MVB12B: variants seen among roughly 807,000 people sequenced by gnomAD.
MVB12B encodes the protein multivesicular body subunit 12B, also known as ESCRT-I complex subunit MVB12B.
Under a neutral mutation model 41.6 loss-of-function variants are expected in MVB12B, and 16 were observed. The ratio of observed to expected loss-of-function variants is 0.38; its 90% CI spans 0.26 to 0.58. The LOEUF is 0.58. Ranked by LOEUF, MVB12B falls within the 20% of genes least tolerant of loss-of-function variation. The pLI, the probability that MVB12B is intolerant of heterozygous loss-of-function variation, is 0.62. For missense variants in MVB12B, 274 were observed against 380.2 expected, an observed-to-expected ratio of 0.72 and a Z score of 2.32; for synonymous variants, 133 against 139.7, an observed-to-expected ratio of 0.95 and a Z score of 0.34.
intron 7 of MVB12B, among the ~76,000 whole-genome samples, chr9:126,452,628 AGT>A (rs1021815002): frequency 6.6e-6 from 1 of 152,108 alleles, no homozygotes; most frequent in African/African-American, 2.4e-5. Context: ...AAGTGAGAAA[AGT>A]GTGTGAACCC....
chr9:126,501,453 T>C (rs9697125), intron 9 of MVB12B, among the ~76,000 whole-genome samples: 83,508 of 152,106 alleles, frequency 0.55, 24,058 homozygotes, highest in African/African-American at 0.74. Context: ...CCCTTCGGTT[T>C]GGGGGCCACA....
chr9:126,341,489 A>C (rs1201731350), intron 2 of MVB12B, among the ~76,000 whole-genome samples: 1 of 152,366 alleles, frequency 6.6e-6, no homozygotes, highest in East Asian at 1.9e-4. Context: ...CCAAGAATGC[A>C]TAAGAGTGAA....
At chr9:126,483,038 G>A (rs920802801) in intron 8 of MVB12B, among the ~76,000 whole-genome samples, 3 of 152,234 alleles carry the variant, frequency 2.0e-5, no homozygotes, top group Non-Finnish European at 2.9e-5. Flanking sequence ...TGCTGGCTTC[G>A]CGGAGGCTCC....
At chr9:126,401,838 G>A (rs147785032) in intron 6 of MVB12B, among the ~76,000 whole-genome samples, 12 of 149,486 alleles carry the variant, frequency 8.0e-5, no homozygotes, top group African/African-American at 1.2e-4. Flanking sequence ...CAGTTGGGGC[G>A]GAGCCTTAGG....
rs1304530097 is a variant in MVB12B, at chr9:126,459,050, C to T, written c.758-22319C>T. 1.3e-5 allele frequency among the ~76,000 whole-genome samples: 2 copies of T among 152,224 alleles called. No homozygotes were observed. The highest frequency in any genetic ancestry group is 2.9e-5 in the Non-Finnish European group (2 of 68,042). ...CCTATAGATTCAGATGACCAAGGATCTCTGAGGGTTCCTTTCATCCTGCAA... is the reference window on the plus strand; with the variant it reads ...CCTATAGATTCAGATGACCAAGGATTTCTGAGGGTTCCTTTCATCCTGCAA... On this transcript the variant is annotated intron_variant, in intron 7 of 9. Coordinates refer to ENST00000361171, the MANE Select transcript of MVB12B (RefSeq NM_033446.3). The surrounding 1 kb of genome is among the most constrained non-coding windows in gnomAD (Gnocchi z 4.3).
At chr9:126,433,261 A>C (rs1832377190) in intron 7 of MVB12B, among the ~76,000 whole-genome samples, 2 of 146,512 alleles carry the variant, frequency 1.4e-5, no homozygotes, top group Non-Finnish European at 2.9e-5. Context: ...CTGCCCTCCC[A>C]GCCCCTTCTC....
intron 2 of MVB12B, among the ~76,000 whole-genome samples, chr9:126,352,604 A>C (rs1340391810): frequency 6.6e-6 from 1 of 152,206 alleles, no homozygotes; most frequent in Non-Finnish European, 1.5e-5. Flanking sequence ...AGAACTCACC[A>C]CCATGTTGTT....
intron 6 of MVB12B, among the ~76,000 whole-genome samples, chr9:126,416,775 G>T (rs969864078): frequency 2.6e-5 from 4 of 152,134 alleles, no homozygotes; most frequent in Non-Finnish European, 4.4e-5. Flanking sequence ...GGTTGTTGAG[G>T]TGATGAGGCC....
At chr9:126,403,674 C>CA (rs1423622410) in intron 6 of MVB12B, among the ~76,000 whole-genome samples, 14 of 152,220 alleles carry the variant, frequency 9.2e-5, no homozygotes, top group Admixed American at 7.9e-4. Flanking sequence ...CAAGTACTTT[C>CA]AACCATGTCA....
At chr9:126,385,167 G>C (rs531468393) in intron 3 of MVB12B, among the ~76,000 whole-genome samples, 2 of 152,112 alleles carry the variant, frequency 1.3e-5, no homozygotes, top group African/African-American at 2.4e-5. Context: ...TGAGTGGCCC[G>C]GTTGAAAAAT....
chr9:126,409,764 G>T (rs1831573521), intron 6 of MVB12B, among the ~76,000 whole-genome samples: 1 of 152,194 alleles, frequency 6.6e-6, no homozygotes, highest in Admixed American at 6.5e-5. Context: ...CTGGGAAGGG[G>T]TTAAGATAGT....
chr9:126,484,075 C>T (rs1486146771), intron 9 of MVB12B, 43 bp downstream of exon 9: 12 of 1,575,722 alleles, frequency 7.6e-6, no homozygotes, highest in South Asian at 3.3e-5. Context: ...CCTGGGCCAT[C>T]GCCTGCACAC....
chr9:126,328,609 C>T (rs1157935274), intron 1 of MVB12B, among the ~76,000 whole-genome samples: 1 of 152,158 alleles, frequency 6.6e-6, no homozygotes, highest in African/African-American at 2.4e-5. Context: ...GTATTCATCT[C>T]ATGGGATTAT....
intron 2 of MVB12B, among the ~76,000 whole-genome samples, chr9:126,369,685 CT>C (rs1830282799): frequency 6.6e-6 from 1 of 152,062 alleles, no homozygotes; most frequent in Non-Finnish European, 1.5e-5. Context: ...CAGATTTTCA[CT>C]CTTGTTGCCC....
chr9:126,397,168 G>T, intron 6 of MVB12B: 6 of 985,522 alleles, frequency 6.1e-6, no homozygotes, highest in Non-Finnish European at 7.2e-6. Context: ...CCCTGAAGTT[G>T]TTACAGCTGC....
chr9:126,403,849 T>C (rs1831338364), intron 6 of MVB12B, among the ~76,000 whole-genome samples: 1 of 152,168 alleles, frequency 6.6e-6, no homozygotes, highest in Non-Finnish European at 1.5e-5. Flanking sequence ...TCATATTTTA[T>C]GCATCGCCCT....
intron 2 of MVB12B, among the ~76,000 whole-genome samples, chr9:126,345,653 G>GT (rs1829566789): frequency 6.2e-4 from 1 of 1,602 alleles, no homozygotes; most frequent in Non-Finnish European, 5.7e-3. Context: ...CTTTGATTTG[G>GT]CTTCATGATT....
chr9:126,450,606 T>C (rs1042548615), intron 7 of MVB12B, among the ~76,000 whole-genome samples: 4 of 152,172 alleles, frequency 2.6e-5, no homozygotes, highest in African/African-American at 9.7e-5. Context: ...TGTTGGTCAT[T>C]TTCTCACGTT....
At chr9:126,382,185 C>T (rs572488791) in intron 3 of MVB12B, among the ~76,000 whole-genome samples, 1 of 151,922 alleles carries the variant, frequency 6.6e-6, no homozygotes, top group South Asian at 2.1e-4. Context: ...CTCTCTGCCA[C>T]CTGGCCCCGC....
Sources: allele counts gnomAD v4.1 joint callset (sites outside exome capture counted in the v4.1 genomes callset), GRCh38; gene constraint gnomAD v4.1.1; non-coding constraint Gnocchi (gnomAD v3.1); transcripts MANE v1.5; gene names NCBI Gene and HGNC (gene_info 2026-07-23, HGNC 2026-07-21).